The following MOV10L1 variants were observed in gnomAD, a reference collection of about 807,000 sequenced individuals.
The protein encoded by MOV10L1 is RNA helicase Mov10l1.
A neutral mutation model predicts 143.8 loss-of-function variants in MOV10L1; 110 were observed. That is an observed-to-expected ratio of 0.76 (90% CI 0.66 to 0.90). The LOEUF is 0.90. Ranked by LOEUF, MOV10L1 falls within the 40% of genes least tolerant of loss-of-function variation. The probability of loss-of-function intolerance (pLI) is 0.00; values close to 1 mark genes in which losing one functional copy is unlikely to be tolerated. For missense variants in MOV10L1, 1,406 were observed against 1,526.8 expected (o/e 0.92, Z 1.32); for synonymous variants, 593 against 581.1 (o/e 1.02, Z -0.29).
At chr22:50,116,669 T>TC (rs1317232403) in intron 8 of MOV10L1, among the ~76,000 whole-genome samples, 2 of 145,808 alleles carry the variant, frequency 1.4e-5, no homozygotes, top group East Asian at 4.0e-4. Flanking sequence ...ACTTTTTTTT[T>TC]TTTTTTTTTT....
rs371985954 is a variant in MOV10L1, at chr22:50,161,349, G to A, written c.3555-19G>A. ...TGGGAGCCTGGCTCACTGGCCATCC[G>A]CTTCTCCTCTGTCTACAGCTGTGGC... is the stretch of plus-strand genomic sequence containing the variant. On this transcript the variant is annotated intron_variant, in intron 26 of 26. Transcript: ENST00000262794. 60 of 1,553,592 alleles carry A rather than the reference G, an allele frequency of 3.9e-5. No individual in the cohort carries two copies. Among genetic ancestry groups the A allele is most frequent in the Middle Eastern group, 1.7e-4 (1 of 5,904 alleles).
At chr22:50,111,912 T>A (rs529547278) in intron 5 of MOV10L1, among the ~76,000 whole-genome samples, 5 of 152,208 alleles carry the variant, frequency 3.3e-5, no homozygotes, top group African/African-American at 1.2e-4. Flanking sequence ...AGGTTCTGTT[T>A]GGGGAAAGCG....
Position 50,115,114 on chromosome 22 carries a change from G to A in MOV10L1, c.1127G>A (p.Gly376Asp). 1 of 1,565,766 alleles carries A rather than the reference G, an allele frequency of 6.4e-7. No homozygotes were observed. The highest frequency in any genetic ancestry group is 8.6e-7 in the Non-Finnish European group (1 of 1,165,006). The change falls in exon 8 of 27, where the codon GGT becomes GAT. Residue 376 changes from glycine to aspartate, a missense_variant and splice_region_variant. This residue lies in a region of MOV10L1 where 1,233 missense variants were observed against 1,351.4 expected (regional missense o/e 0.91). Transcript: ENST00000262794. ...TTTGTATTAAAATTTTATTTCCCAG[G>A]TGATTGTACCTGTAAAGGAGAAAAT... ...SLVNNRGISP[G>D]DCTCKGENGE... is the part of the protein sequence containing the mutation.
At chr22:50,133,468 AAAAG>A (rs1303115942) in intron 13 of MOV10L1, among the ~76,000 whole-genome samples, 226 of 149,780 alleles carry the variant, frequency 1.5e-3, no homozygotes, top group South Asian at 0.011. Flanking sequence ...AAAAAAAAAA[AAAAG>A]AAAGAAAGAA....
chr22:50,113,747 C>T lies in MOV10L1; in HGVS notation c.843C>T (p.Thr281=), dbSNP rs769073491. The change falls in exon 6 of 27, where the codon ACC becomes ACT. Residue 281 remains threonine (T), a synonymous_variant. Coordinates refer to ENST00000262794, the MANE Select transcript of MOV10L1 (RefSeq NM_018995.3). ...TTACACAGGTGACGCATTTTGGAAC[C>T]CTAAAGGAAGGAAGAAGTAAAACCA... ...IEVTQVTHFG[T]LKEGRSKTMV... is the part of the protein sequence containing the mutation. 1 of 1,613,602 alleles carries T rather than the reference C, an allele frequency of 6.2e-7. No individual in the cohort carries two copies. Among genetic ancestry groups the T allele is most frequent in the Non-Finnish European group, 8.5e-7 (1 of 1,179,862 alleles).
intron 8 of MOV10L1, 86 bp from the exon 9 acceptor site, chr22:50,117,071 A>G (rs1336002643): frequency 1.6e-6 from 2 of 1,237,204 alleles, no homozygotes; most frequent in African/African-American, 4.0e-5. Context: ...TAACTCTGTC[A>G]CTTTTCTTGT....
In MOV10L1 at chr22:50,114,433, G is replaced by C; in HGVS notation, c.937G>C (p.Asp313His). Residue 313 changes from aspartate to histidine, a missense_variant, in exon 7 of 27, where the codon GAT becomes CAT. Physicochemically the swap from Asp to His is moderately conservative, Grantham distance 81. Transcript: ENST00000262794. ...AGTCAGCTGTAAACTGGCTGGCTGG[G>C]ATAAATCTAAACAATTCAGATTCCA... ...NLVSCKLAGW[D>H]KSKQFRFQML... is the part of the protein sequence containing the mutation. 1 of 1,614,198 alleles carries C rather than the reference G, an allele frequency of 6.2e-7. No homozygotes were observed. The highest frequency in any genetic ancestry group is 1.7e-5 in the Admixed American group (1 of 60,026).
chr22:50,133,312 G>C (rs1260843007), intron 13 of MOV10L1, among the ~76,000 whole-genome samples: 3 of 151,764 alleles, frequency 2.0e-5, no homozygotes, highest in African/African-American at 7.3e-5. Context: ...ATGGATATGG[G>C]GCCAAGTGTG....
rs773734064 is a variant in MOV10L1, at chr22:50,113,808, A to G, written c.884+20A>G. 8 of 1,562,572 alleles carry G rather than the reference A, an allele frequency of 5.1e-6. No homozygotes were observed. In the Admixed American group the frequency reaches 9.8e-5, roughly 19 times the overall value. On this transcript the variant is annotated intron_variant, in intron 6 of 26. Coordinates refer to ENST00000262794, the MANE Select transcript of MOV10L1 (RefSeq NM_018995.3). ...GATAGAGTGAGTTTGCCACTGAAACATTTTCTATAAAGCTACATTAATGGC... is the reference window on the plus strand; with the variant it reads ...GATAGAGTGAGTTTGCCACTGAAACGTTTTCTATAAAGCTACATTAATGGC...
At chr22:50,130,297 T>A (rs188642769) in intron 13 of MOV10L1, among the ~76,000 whole-genome samples, 105 of 151,896 alleles carry the variant, frequency 6.9e-4, no homozygotes, top group African/African-American at 2.2e-3. Flanking sequence ...TAAATAAATT[T>A]TATATATATA....
chr22:50,129,535 C>CATTGTTTGCTGTTACG (rs2062612437), intron 13 of MOV10L1, among the ~76,000 whole-genome samples: 2 of 152,088 alleles, frequency 1.3e-5, no homozygotes, highest in Admixed American at 1.3e-4. Flanking sequence ...TGGACATCTT[C>CATTGTTTGCTGTTACG]ATTGTTTGCT....
At chr22:50,133,159 G>A (rs1305847842) in intron 13 of MOV10L1, among the ~76,000 whole-genome samples, 1 of 152,178 alleles carries the variant, frequency 6.6e-6, no homozygotes, top group African/African-American at 2.4e-5. Context: ...GTGGTGGCAA[G>A]TGCTGCACTG....
chr22:50,141,414 C>T (rs1019891004), intron 15 of MOV10L1, among the ~76,000 whole-genome samples: 5 of 151,954 alleles, frequency 3.3e-5, no homozygotes, highest in East Asian at 1.9e-4. Flanking sequence ...ACTGCAGCCC[C>T]GCCTCCTGGG....
At chr22:50,139,680 A>G (rs1389752858) in intron 15 of MOV10L1, among the ~76,000 whole-genome samples, 12 of 152,258 alleles carry the variant, frequency 7.9e-5, no homozygotes. Context: ...AAACTGCCTA[A>G]GAACTCAATT....
chr22:50,104,195 T>C (rs2061814268), intron 3 of MOV10L1, among the ~76,000 whole-genome samples: 3 of 152,232 alleles, frequency 2.0e-5, no homozygotes, highest in South Asian at 4.1e-4. Flanking sequence ...CAGGCTGTAA[T>C]GTGAGCAATG....
At chr22:50,116,964 C>T (rs1468521641) in intron 8 of MOV10L1, among the ~76,000 whole-genome samples, 193 bp from the exon 9 acceptor site, 2 of 152,042 alleles carry the variant, frequency 1.3e-5, no homozygotes, top group African/African-American at 4.8e-5. Context: ...CCTGTAGGTG[C>T]TTAATTTTAT....
intron 15 of MOV10L1, 100 bp downstream of exon 15, chr22:50,134,730 A>G (rs1238361718): frequency 3.0e-6 from 3 of 991,138 alleles, no homozygotes; most frequent in Non-Finnish European, 4.7e-6. Context: ...GTCTCTACAC[A>G]GGGGATGGCT....
chr22:50,154,508 C>T (rs1004281057), intron 22 of MOV10L1, among the ~76,000 whole-genome samples: 4 of 152,040 alleles, frequency 2.6e-5, no homozygotes, highest in South Asian at 2.1e-4. Context: ...ATTGAGGCTG[C>T]AGTGAGCTAT....
At chr22:50,133,454 TA>T (rs138255) in intron 13 of MOV10L1, among the ~76,000 whole-genome samples, 37,423 of 127,002 alleles carry the variant, frequency 0.29, 5,357 homozygotes, top group Non-Finnish European at 0.35. Flanking sequence ...GCAGAGTCTC[TA>T]AAAAAAAAAA....
Sources: gnomAD v4.1 joint callset for allele counts (sites outside exome capture counted in the v4.1 genomes callset) on GRCh38, gnomAD v4.1.1 for gene constraint, gnomAD v4.1.1 regional missense constraint, MANE v1.5 for transcripts, NCBI Gene and HGNC (gene_info 2026-07-23, HGNC 2026-07-21) for gene names.